Variants in HECTD4 observed in about 807,000 individuals in gnomAD.
The protein encoded by HECTD4 is HECT domain E3 ubiquitin protein ligase 4.
A neutral mutation model predicts 471.5 loss-of-function variants in HECTD4; 114 were observed. The ratio of observed to expected loss-of-function variants is 0.24; its 90% CI spans 0.21 to 0.28. HECTD4 has a LOEUF of 0.28. HECTD4 is among the 10% of genes least tolerant of loss of function. HECTD4 has a pLI of 1.00. For missense variants in HECTD4, 3,866 were observed against 5,651.5 expected, an observed-to-expected ratio of 0.68 and a Z score of 10.13; for synonymous variants, 2,012 against 2,256.0, an observed-to-expected ratio of 0.89 and a Z score of 3.07.
intron 1 of HECTD4, among the ~76,000 whole-genome samples, chr12:112,324,329 A>G (rs1444805339): frequency 6.6e-6 from 1 of 151,142 alleles, no homozygotes; most frequent in Non-Finnish European, 1.5e-5. Context: ...TACATTGCCC[A>G]GGCTAGTCTT....
At chr12:112,248,031 G>T in intron 27 of HECTD4, 36 bp downstream of exon 27, 1 of 1,421,942 alleles carries the variant, frequency 7.0e-7, no homozygotes. Context: ...TCTCTAAATG[G>T]CAATACCCCA....
chr12:112,250,327 G>C lies in HECTD4; in HGVS notation c.3767C>G (p.Pro1256Arg). 1 of 1,613,948 alleles carries C rather than the reference G, an allele frequency of 6.2e-7. No individual in the cohort carries two copies. The highest frequency in any genetic ancestry group is 8.5e-7 in the Non-Finnish European group (1 of 1,179,860). ...GGTCAGAGGCAGTGGAGAGGGGCTC[G>C]GAGTAAGGGCAGGGGAGATCACGCC... ...ANGVISPALT[P>R]SPSPLPLTIE... The change falls in exon 25 of 76, where the codon CCG (proline) becomes CGG (arginine). Residue 1256 changes from proline (P) to arginine (R), a missense_variant. Pro to Arg is a moderately radical substitution (Grantham distance 103). Coordinates refer to ENST00000682272, the MANE Select transcript of HECTD4 (RefSeq NM_001388303.1).
intron 62 of HECTD4, among the ~76,000 whole-genome samples, chr12:112,182,404 T>C (rs1232925963): frequency 1.4e-5 from 2 of 143,258 alleles, no homozygotes; most frequent in Non-Finnish European, 3.1e-5. Flanking sequence ...AAAAAGAAAT[T>C]AGTGGGGAAG....
At chr12:112,339,213 G>A (rs961493663) in intron 1 of HECTD4, among the ~76,000 whole-genome samples, 5 of 151,832 alleles carry the variant, frequency 3.3e-5, no homozygotes, top group Admixed American at 3.3e-4. Flanking sequence ...GGTACACTGT[G>A]TCATAGTTAT....
intron 1 of HECTD4, among the ~76,000 whole-genome samples, chr12:112,369,050 C>T (rs1035636822): frequency 2.0e-4 from 30 of 152,196 alleles, no homozygotes; most frequent in African/African-American, 7.0e-4. Flanking sequence ...GCACTATCCA[C>T]AAACCATCAC....
chr12:112,373,506 A>G (rs989311561), intron 1 of HECTD4, among the ~76,000 whole-genome samples: 19 of 152,114 alleles, frequency 1.2e-4, no homozygotes, highest in Non-Finnish European at 2.9e-5. Flanking sequence ...TGGGCGACAA[A>G]GTAAGACTCC....
At chr12:112,210,558 C>T (rs1337381259) in intron 49 of HECTD4, among the ~76,000 whole-genome samples, 1 of 152,242 alleles carries the variant, frequency 6.6e-6, no homozygotes, top group Non-Finnish European at 1.5e-5. Flanking sequence ...CTGACACCAG[C>T]ACCCATGCTG....
chr12:112,244,667 G>A (rs1168929823), intron 29 of HECTD4, among the ~76,000 whole-genome samples: 1 of 152,150 alleles, frequency 6.6e-6, no homozygotes, highest in Non-Finnish European at 1.5e-5. Flanking sequence ...TACCACACCT[G>A]GCCCAAATTT....
intron 66 of HECTD4, among the ~76,000 whole-genome samples, chr12:112,174,938 A>AGCCAGAG (rs2031380306): frequency 6.6e-6 from 1 of 152,100 alleles, no homozygotes; most frequent in Admixed American, 6.6e-5. Flanking sequence ...CACGTGCGTG[A>AGCCAGAG]GCCAGAGGGA....
In HECTD4 at chr12:112,188,535, C is replaced by A. The variant is rs774829976; in HGVS notation, c.9472+2251G>T. 6.6e-6 allele frequency among the ~76,000 whole-genome samples: 1 copy of A among 152,238 alleles called. No homozygotes were observed. The highest frequency in any genetic ancestry group is 1.5e-5 in the Non-Finnish European group (1 of 68,042). ...ATGTACGTGAGACACGATTAGGGAT[C>A]ATGAACATCTAAAGCCTGTGTCCCA... On this transcript the variant is annotated intron_variant, in intron 60 of 75. Transcript: ENST00000682272. This position sits in a 1 kb window ranked among gnomAD's most constrained non-coding sequence, Gnocchi z 4.2.
Position 112,243,453 on chromosome 12 carries a change from C to A in HECTD4, c.4858G>T (p.Ala1620Ser). 1 of 1,609,884 alleles carries A rather than the reference C, an allele frequency of 6.2e-7. No homozygotes were observed. Among genetic ancestry groups the A allele is most frequent in the South Asian group, 1.1e-5 (1 of 90,122 alleles). The change falls in exon 32 of 76, where the codon GCA becomes TCA. Residue 1620 changes from alanine (A) to serine (S), a missense_variant. Coordinates refer to ENST00000682272, the MANE Select transcript of HECTD4 (RefSeq NM_001388303.1). The surrounding 1 kb of genome is among the most constrained non-coding windows in gnomAD (Gnocchi z 6.6). ...RWRRGNTRKQ[A>S]LVHMRELLTA... The stretch of plus-strand genomic sequence containing the variant: ...AGCAATTCCCGCATGTGCACCAGTG[C>A]CTGCTTGCGAGTGTTTCCCCGCCGC...
At chr12:112,273,831 C>A (rs2034468213) in intron 10 of HECTD4, 36 bp from the exon 11 acceptor site, 2 of 1,606,972 alleles carry the variant, frequency 1.2e-6, no homozygotes, top group Admixed American at 3.3e-5. Context: ...GTCACCATGC[C>A]ACCAGCTACC....
chr12:112,222,442 G>A (rs896528412), intron 44 of HECTD4, among the ~76,000 whole-genome samples: 10 of 152,284 alleles, frequency 6.6e-5, no homozygotes, highest in African/African-American at 1.9e-4. Flanking sequence ...TGAAGTGGGC[G>A]GATCACTTGA....
intron 10 of HECTD4, 131 bp downstream of exon 10, chr12:112,274,716 A>G: frequency 1.6e-6 from 1 of 644,524 alleles, no homozygotes; most frequent in Non-Finnish European, 2.7e-6. Flanking sequence ...AAACAAAACA[A>G]AACAAAACAA....
At chr12:112,292,922 T>G (rs1339339318) in intron 7 of HECTD4, among the ~76,000 whole-genome samples, 1 of 151,876 alleles carries the variant, frequency 6.6e-6, no homozygotes, top group East Asian at 1.9e-4. Flanking sequence ...CTAGGGAGGC[T>G]GAGGCAGGAG....
At chr12:112,172,209 AC>A (rs540891243) in intron 67 of HECTD4, among the ~76,000 whole-genome samples, 5 of 152,202 alleles carry the variant, frequency 3.3e-5, no homozygotes, top group Non-Finnish European at 5.9e-5. Context: ...GGCCCAGAGA[AC>A]GGCTTTCTCT....
At chr12:112,269,928 T>C in intron 12 of HECTD4, 79 bp from the exon 13 acceptor site, 1 of 1,243,928 alleles carries the variant, frequency 8.0e-7, no homozygotes, top group South Asian at 1.3e-5. Flanking sequence ...AAGTACATGG[T>C]AGATATCCTA....
chr12:112,207,992 G>A lies in HECTD4; in HGVS notation c.8013C>T (p.His2671=). The change falls in exon 52 of 76, where the codon CAC becomes CAT. Residue 2671 remains histidine, a synonymous_variant. Coordinates refer to ENST00000682272, the MANE Select transcript of HECTD4 (RefSeq NM_001388303.1). ...CCCATGCTTTCACCAGCAGGGCGTA[G>A]TGGTCCTCCTGGAAGCAGAAGGAAC... ...DDDDDIPQED[H]YALLVKAWET... is the part of the protein sequence containing the mutation. 2 of 1,613,270 alleles carry A rather than the reference G, an allele frequency of 1.2e-6. No individual in the cohort carries two copies. The highest frequency in any genetic ancestry group is 4.5e-5 in the East Asian group (2 of 44,870).
intron 60 of HECTD4, among the ~76,000 whole-genome samples, chr12:112,187,503 G>T (rs1039781342): frequency 2.6e-5 from 4 of 152,076 alleles, no homozygotes; most frequent in African/African-American, 7.2e-5. Context: ...CTCCCAAAGT[G>T]CTGGGATTAC....
Sources: gnomAD v4.1 joint callset for allele counts (sites outside exome capture counted in the v4.1 genomes callset) on GRCh38, gnomAD v4.1.1 for gene constraint, Gnocchi (gnomAD v3.1) non-coding constraint, MANE v1.5 for transcripts, NCBI Gene and HGNC (gene_info 2026-07-23, HGNC 2026-07-21) for gene names.